The following GLIS3 variants were observed in gnomAD, a reference collection of about 807,000 sequenced individuals.
The protein encoded by GLIS3 is GLIS family zinc finger 3.
A neutral mutation model predicts 78.6 loss-of-function variants in GLIS3; 53 were observed. The ratio of observed to expected loss-of-function variants is 0.67; its 90% CI spans 0.54 to 0.85. The LOEUF (loss-of-function observed/expected upper bound fraction) is 0.85, where lower values mean the gene tolerates loss of function less well. Among genes scored for constraint, GLIS3 ranks in the 40% least tolerant of loss-of-function variants. GLIS3 has a pLI of 0.00. For synonymous variants in GLIS3, 684 were observed against 509.9 expected (o/e 1.34, Z -4.60); for missense variants, 1,703 against 1,231.1 (o/e 1.38, Z -5.74).
chr9:3,866,761 T>C (rs1403299283), intron 8 of GLIS3, among the ~76,000 whole-genome samples: 2 of 152,308 alleles, frequency 1.3e-5, no homozygotes, highest in East Asian at 3.9e-4. Context: ...AAAATGGAGT[T>C]TGAATTTTAT....
At chr9:3,842,311 A>C (rs1034625076) in intron 9 of GLIS3, among the ~76,000 whole-genome samples, 2 of 152,172 alleles carry the variant, frequency 1.3e-5, no homozygotes, top group Non-Finnish European at 2.9e-5. Context: ...GTCTCTACTA[A>C]AACTACAAAA....
chr9:4,416,776 T>C, the GLIS3 span, among the ~76,000 whole-genome samples: 4 of 150,990 alleles, frequency 2.6e-5, no homozygotes, highest in Non-Finnish European at 5.9e-5. Flanking sequence ...ATCTAGAGTC[T>C]CTCAAATGGC....
At chr9:4,471,462 A>G in the GLIS3 span, among the ~76,000 whole-genome samples, 2 of 152,174 alleles carry the variant, frequency 1.3e-5, no homozygotes, top group Non-Finnish European at 2.9e-5. Flanking sequence ...CACATCTACA[A>G]TCATCTGATA....
the GLIS3 span, among the ~76,000 whole-genome samples, chr9:4,445,759 G>T: frequency 6.6e-6 from 1 of 152,188 alleles, no homozygotes; most frequent in African/African-American, 2.4e-5. Flanking sequence ...AACTTTCCAT[G>T]CAGATGTCCG....
At chr9:4,095,223 T>G (rs1829847457) in intron 4 of GLIS3, among the ~76,000 whole-genome samples, 1 of 152,180 alleles carries the variant, frequency 6.6e-6, no homozygotes. Context: ...CTCTGTTCTA[T>G]GTACACATCC....
At chr9:4,424,415 T>A in the GLIS3 span, among the ~76,000 whole-genome samples, 7 of 152,200 alleles carry the variant, frequency 4.6e-5, no homozygotes, top group Admixed American at 1.3e-4. Context: ...GGCCTGTAAG[T>A]ACCAGGCAAC....
upstream of GLIS3, among the ~76,000 whole-genome samples, chr9:4,352,606 T>C (rs1817988017): frequency 6.6e-6 from 1 of 152,116 alleles, no homozygotes. Flanking sequence ...TAGAGGGAGG[T>C]TTCTTCCTTT....
chr9:4,344,715 A>C (rs1017149191), intron 2 of GLIS3, among the ~76,000 whole-genome samples: 27 of 152,220 alleles, frequency 1.8e-4, no homozygotes, highest in Admixed American at 1.2e-3. Context: ...CATCCCAGAA[A>C]CATGACATAT....
In GLIS3 at chr9:4,151,280, A is replaced by C. The variant is rs77613462; in HGVS notation, c.389-25339T>G. On this transcript the variant is annotated intron_variant, in intron 2 of 10. Coordinates refer to ENST00000381971, the MANE Select transcript of GLIS3 (RefSeq NM_001042413.2). ...CAAAATGTATGACTCTTCAGGAGAA[A>C]AAAGAAATCAGATTGTTACATTTTT... Among the ~76,000 whole-genome samples, 1,204 of 152,338 alleles carry C rather than the reference A, an allele frequency of 7.9e-3. 6 individuals carry two copies. Among genetic ancestry groups the C allele is most frequent in the Non-Finnish European group, 0.013 (918 of 68,034 alleles).
intron 4 of GLIS3, among the ~76,000 whole-genome samples, chr9:4,051,784 A>C (rs531076644): frequency 1.4e-4 from 21 of 152,214 alleles, no homozygotes; most frequent in African/African-American, 5.1e-4. Context: ...GACACACCAA[A>C]CTCCACTAAC....
At chr9:4,186,963 G>A (rs1226279275) in intron 2 of GLIS3, among the ~76,000 whole-genome samples, 1 of 152,166 alleles carries the variant, frequency 6.6e-6, no homozygotes, top group African/African-American at 2.4e-5. Context: ...CACTCTGACG[G>A]TAGTTTCTTT....
the GLIS3 span, among the ~76,000 whole-genome samples, chr9:4,482,672 C>G: frequency 7.2e-5 from 11 of 152,150 alleles, no homozygotes; most frequent in Admixed American, 2.0e-4. Flanking sequence ...TCTGAATGCC[C>G]TTTTCATTTG....
At chr9:3,896,281 T>C (rs1423559193) in intron 7 of GLIS3, among the ~76,000 whole-genome samples, 1 of 152,206 alleles carries the variant, frequency 6.6e-6, no homozygotes, top group Non-Finnish European at 1.5e-5. Context: ...TCTTGGTTTG[T>C]TGCCTACTCT....
intron 2 of GLIS3, among the ~76,000 whole-genome samples, chr9:4,328,964 A>G (rs1236347182): frequency 6.6e-6 from 1 of 152,224 alleles, no homozygotes; most frequent in Non-Finnish European, 1.5e-5. Context: ...TCCAGCAACC[A>G]CAGCTCTTGA....
At position 4,034,059 on chromosome 9, in the gene GLIS3, T is replaced by TA. The variant is rs561031379; in HGVS notation, c.1710+83708dup. On this transcript the variant is annotated intron_variant, in intron 4 of 10. Transcript: ENST00000381971. ...CAACATTGTGAGACCCCATTTCTATTAAAAAAAAAAAGTTAAAAAATTGGC... is the reference window on the plus strand; with the variant it reads ...CAACATTGTGAGACCCCATTTCTATTAAAAAAAAAAAAGTTAAAAAATTGGC... 7.7e-3 allele frequency among the ~76,000 whole-genome samples: 1,116 copies of TA among 145,254 alleles called. 16 individuals are homozygous for TA. Among genetic ancestry groups the TA allele is most frequent in the African/African-American group, 0.024 (961 of 39,672 alleles).
chr9:4,106,350 C>T (rs1830750819), intron 4 of GLIS3, among the ~76,000 whole-genome samples: 1 of 152,060 alleles, frequency 6.6e-6, no homozygotes, highest in Non-Finnish European at 1.5e-5. Context: ...AGCTTGTTTG[C>T]CTAGCTTCAT....
chr9:4,063,814 C>G (rs1039486549), intron 4 of GLIS3, among the ~76,000 whole-genome samples: 3 of 152,140 alleles, frequency 2.0e-5, no homozygotes, highest in Non-Finnish European at 4.4e-5. Flanking sequence ...AACCTCTACA[C>G]ACTACCAACT....
rs1374835371 is a variant in GLIS3 at position 3,826,367 on chromosome 9, A to G, written c.*1905T>C. 6.6e-6 allele frequency: 1 copy of G among 152,236 alleles called. No homozygotes were observed. The highest frequency in any genetic ancestry group is 1.5e-5 in the Non-Finnish European group (1 of 68,038). 9.4% of individuals were successfully genotyped at this position (152,236 alleles called of 1,614,324 possible). A position where few individuals can be genotyped will look rare whatever the true frequency, so the allele number is the denominator to read the frequency against. ...AGGCCACTTGTTTAGGCCAAGTGAC[A>G]CGACCCACAAAGTCTGCAGGAAGGG... is the stretch of plus-strand genomic sequence containing the variant. On this transcript the variant is annotated 3_prime_UTR_variant, in exon 11 of 11. Coordinates refer to ENST00000381971, the MANE Select transcript of GLIS3 (RefSeq NM_001042413.2).
intron 4 of GLIS3, among the ~76,000 whole-genome samples, chr9:4,046,985 T>G (rs1825303580): frequency 6.6e-6 from 1 of 152,162 alleles, no homozygotes; most frequent in Non-Finnish European, 1.5e-5. Flanking sequence ...GGGAAAGTTG[T>G]CGGAGTGTAG....
Sources: gnomAD v4.1 joint callset for allele counts (sites outside exome capture counted in the v4.1 genomes callset) on GRCh38, gnomAD v4.1.1 for gene constraint, MANE v1.5 for transcripts, NCBI Gene and HGNC (gene_info 2026-07-23, HGNC 2026-07-21) for gene names.